SCARA5: variants seen among roughly 807,000 people sequenced by gnomAD.
SCARA5 encodes scavenger receptor class A member 5.
Under a neutral mutation model 46.3 loss-of-function variants are expected in SCARA5, and 45 were observed. The ratio of observed to expected loss-of-function variants is 0.97; its 90% CI spans 0.76 to 1.24. SCARA5 has a LOEUF of 1.24. Among genes scored for constraint, SCARA5 ranks in the 50% most tolerant of loss-of-function variants. SCARA5 has a pLI of 0.00. For missense variants in SCARA5, 680 were observed against 689.0 expected, an observed-to-expected ratio of 0.99 and a Z score of 0.15; for synonymous variants, 333 against 306.5, an observed-to-expected ratio of 1.09 and a Z score of -0.90.
In SCARA5 at chr8:27,871,966, C is replaced by A. The variant is rs1554566382; in HGVS notation, c.1456G>T (p.Glu486Ter). The change falls in exon 9 of 9, where the codon GAA (glutamate) becomes TAA (stop). Residue 486 changes from glutamate to a stop codon, truncating the protein, a stop_gained. Coordinates refer to ENST00000354914, the MANE Select transcript of SCARA5 (RefSeq NM_173833.6). LOFTEE classifies it high-confidence loss of function. ...CTGTTGCATGTCACGCTGGCATCTT[C>A]GGCATGTCCACAGTTTGTCACCCCC... ...KWGVTNCGHAEDASVTCNRH is the reference protein window; with the variant it reads ...KWGVTNCGHA 6.2e-7 allele frequency: 1 copy of A among 1,614,112 alleles called. No homozygotes were observed. Among genetic ancestry groups the A allele is most frequent in the South Asian group, 1.1e-5 (1 of 91,090 alleles).
intron 3 of SCARA5, among the ~76,000 whole-genome samples, chr8:27,958,346 A>G (rs1012400116): frequency 2.0e-5 from 3 of 152,178 alleles, no homozygotes; most frequent in Non-Finnish European, 4.4e-5. Flanking sequence ...CTTCTGCAGG[A>G]GAAGCTCTGA....
intron 3 of SCARA5, among the ~76,000 whole-genome samples, chr8:27,945,951 G>A (rs117545225): frequency 0.015 from 2,339 of 152,326 alleles, 47 homozygotes; most frequent in East Asian, 0.052. Context: ...TTTAAACATT[G>A]CTGATGACTG....
Position 27,966,472 on chromosome 8 carries a change from A to G in SCARA5, c.183T>C (p.Ala61=). ...QLGSLSALKH[A]VLGLYLLVFL... ...AGACCAGCAGGTAGAGCCCCAGGAC[A>G]GCATGCTTCAGGGCCGACAGGGACC... The change falls in exon 3 of 9, where the codon GCT becomes GCC. Residue 61 remains alanine (A), a synonymous_variant. Coordinates refer to ENST00000354914, the MANE Select transcript of SCARA5 (RefSeq NM_173833.6). 3 of 1,613,904 alleles carry G rather than the reference A, an allele frequency of 1.9e-6. No individual in the cohort carries two copies. Among genetic ancestry groups the G allele is most frequent in the Non-Finnish European group, 2.5e-6 (3 of 1,179,900 alleles).
intron 1 of SCARA5, among the ~76,000 whole-genome samples, chr8:27,991,388 T>C (rs964170581): frequency 1.3e-5 from 2 of 152,156 alleles, no homozygotes; most frequent in African/African-American, 4.8e-5. Context: ...TCCCAAGGCC[T>C]CCCTCCTACC....
chr8:27,937,450 C>T (rs1247237170), intron 3 of SCARA5, among the ~76,000 whole-genome samples: 1 of 152,186 alleles, frequency 6.6e-6, no homozygotes, highest in Admixed American at 6.5e-5. Context: ...GGCATGAGGC[C>T]CCAGTTGCCA....
intron 2 of SCARA5, among the ~76,000 whole-genome samples, chr8:27,983,776 C>A (rs1336724185): frequency 6.6e-6 from 1 of 152,190 alleles, no homozygotes; most frequent in Non-Finnish European, 1.5e-5. Flanking sequence ...GGGAGCCTGC[C>A]AGTGACCGGA....
chr8:27,933,569 TG>T (rs1199955262), intron 3 of SCARA5, among the ~76,000 whole-genome samples: 1 of 150,288 alleles, frequency 6.7e-6, no homozygotes, highest in African/African-American at 2.4e-5. Context: ...GAGATTCATG[TG>T]GTGAGTGCAC....
intron 4 of SCARA5, among the ~76,000 whole-genome samples, chr8:27,914,364 C>A (rs1807426900): frequency 1.3e-5 from 2 of 152,226 alleles, no homozygotes; most frequent in African/African-American, 4.8e-5. Flanking sequence ...ATGGGCAGAG[C>A]CCCCAAATCT....
intron 1 of SCARA5, among the ~76,000 whole-genome samples, chr8:27,990,638 A>T (rs1585532486): frequency 2.0e-5 from 3 of 152,248 alleles, no homozygotes; most frequent in South Asian, 4.1e-4. Context: ...TTTGTTTGGG[A>T]ATTGCATGTC....
intron 3 of SCARA5, among the ~76,000 whole-genome samples, chr8:27,924,564 A>G (rs1350721535): frequency 6.6e-6 from 1 of 152,212 alleles, no homozygotes; most frequent in East Asian, 1.9e-4. Flanking sequence ...TCACATTGCA[A>G]AAGGGTCCTG....
chr8:27,907,572 C>CTTTTTTTTTTTTTT (rs144977060), intron 5 of SCARA5, among the ~76,000 whole-genome samples: 9 of 97,268 alleles, frequency 9.3e-5, no homozygotes, highest in East Asian at 3.9e-4. Context: ...TCAGCAAACA[C>CTTTTTTTTTTTTTT]TTTTTTTTTT....
intron 7 of SCARA5, among the ~76,000 whole-genome samples, chr8:27,885,821 G>A (rs1367850484): frequency 6.6e-6 from 1 of 152,200 alleles, no homozygotes; most frequent in Non-Finnish European, 1.5e-5. Context: ...TGGGTGCAAT[G>A]GGAAGTCTGG....
intron 7 of SCARA5, among the ~76,000 whole-genome samples, chr8:27,893,864 T>C (rs1319514468): frequency 6.6e-6 from 1 of 152,226 alleles, no homozygotes; most frequent in Non-Finnish European, 1.5e-5. Context: ...AGTGGTTTTA[T>C]TACTCCGCCC....
intron 1 of SCARA5, among the ~76,000 whole-genome samples, chr8:27,990,461 G>A (rs1808772097): frequency 1.3e-5 from 2 of 152,094 alleles, no homozygotes; most frequent in Non-Finnish European, 2.9e-5. Context: ...GCTCCTCCCA[G>A]GAGCACTGTG....
Position 27,889,148 on chromosome 8 carries a change from G to A in SCARA5, c.1154-9382C>T, listed in dbSNP as rs144352027. Among the ~76,000 whole-genome samples, 247 of 152,238 alleles carry A rather than the reference G, an allele frequency of 1.6e-3. 2 individuals are homozygous for A. The highest frequency in any genetic ancestry group is 5.7e-3 in the African/African-American group (236 of 41,522). ...TCTCAAAGCTTGAGCTTGTTCCCCA[G>A]TAAAGAGGGTACAGCTGAGGCACAG... On this transcript the variant is annotated intron_variant, in intron 7 of 8. Coordinates refer to ENST00000354914, the MANE Select transcript of SCARA5 (RefSeq NM_173833.6).
intron 2 of SCARA5, among the ~76,000 whole-genome samples, chr8:27,986,163 G>A (rs1033189874): frequency 6.6e-6 from 1 of 152,210 alleles, no homozygotes; most frequent in African/African-American, 2.4e-5. Context: ...TGGGAGCTCT[G>A]CATGGGACCA....
intron 3 of SCARA5, among the ~76,000 whole-genome samples, chr8:27,942,458 C>T (rs1314447854): frequency 1.3e-5 from 2 of 152,206 alleles, no homozygotes; most frequent in Non-Finnish European, 2.9e-5. Context: ...GAAAGCTGCC[C>T]ATTGCTTCAA....
chr8:27,991,681 C>T (rs1484724670), intron 1 of SCARA5, among the ~76,000 whole-genome samples: 1 of 152,132 alleles, frequency 6.6e-6, no homozygotes, highest in Non-Finnish European at 1.5e-5. Flanking sequence ...TGAGTGTGGC[C>T]CTTCTCCAAA....
chr8:27,938,042 C>G (rs1378040716), intron 3 of SCARA5, among the ~76,000 whole-genome samples: 1 of 152,128 alleles, frequency 6.6e-6, no homozygotes, highest in Non-Finnish European at 1.5e-5. Flanking sequence ...TAAAGATGAA[C>G]TGGAAAGAAG....
Sources: allele counts gnomAD v4.1 joint callset (sites outside exome capture counted in the v4.1 genomes callset), GRCh38; gene constraint gnomAD v4.1.1; transcripts MANE v1.5; gene names NCBI Gene and HGNC (gene_info 2026-07-23, HGNC 2026-07-21).